PYROXD2: variants seen among roughly 807,000 people sequenced by gnomAD.
The protein encoded by PYROXD2 is pyridine nucleotide-disulphide oxidoreductase domain 2.
In PYROXD2, 69 loss-of-function variants were observed where a neutral mutation model predicts 71.1. That is an observed-to-expected ratio of 0.97 (90% CI 0.80 to 1.19). The LOEUF is 1.19. Among genes scored for constraint, PYROXD2 ranks in the 50% most tolerant of loss-of-function variants. The pLI is 0.00. For missense variants in PYROXD2, 745 were observed against 748.9 expected, an observed-to-expected ratio of 0.99 and a Z score of 0.06; for synonymous variants, 287 against 302.7, an observed-to-expected ratio of 0.95 and a Z score of 0.54.
intron 4 of PYROXD2, among the ~76,000 whole-genome samples, chr10:98,405,396 G>C (rs1257985102): frequency 6.6e-6 from 1 of 152,212 alleles, no homozygotes; most frequent in Non-Finnish European, 1.5e-5. Flanking sequence ...ATTGGATACA[G>C]CCTTATAAGT....
Position 98,390,736 on chromosome 10 carries a change from G to C in PYROXD2, c.1154C>G (p.Pro385Arg), listed in dbSNP as rs746121791. ...TKINVAVDRL[P>R]SFLAAPNAPR... ...AGCATTGGGGGCCGCCAGGAAGCTG[G>C]GCAGCCTGTCTACGGCCACTGAGGG... is the stretch of plus-strand genomic sequence containing the variant. Residue 385 changes from proline to arginine, a missense_variant, in exon 12 of 16, where the codon CCC (proline) becomes CGC (arginine). Transcript: ENST00000370575. 1 of 1,602,992 alleles carries C rather than the reference G, an allele frequency of 6.2e-7. No homozygotes were observed. Among genetic ancestry groups the C allele is most frequent in the East Asian group, 2.2e-5 (1 of 44,746 alleles).
intron 6 of PYROXD2, 134 bp downstream of exon 6, chr10:98,397,211 T>G: frequency 8.1e-7 from 1 of 1,233,674 alleles, no homozygotes; most frequent in Non-Finnish European, 1.1e-6. Flanking sequence ...CTGCCCCTAA[T>G]TGATCGCAGC....
At chr10:98,388,095 A>AGGT in intron 13 of PYROXD2, 2 of 465,476 alleles carry the variant, frequency 4.3e-6, no homozygotes, top group Non-Finnish European at 7.8e-6. Flanking sequence ...CTGTAATAAA[A>AGGT]GGTTTCTTAA....
At chr10:98,396,485 A>G (rs906447130) in intron 6 of PYROXD2, among the ~76,000 whole-genome samples, 7 of 152,084 alleles carry the variant, frequency 4.6e-5, no homozygotes, top group Admixed American at 3.9e-4. Flanking sequence ...TTTTTCTAGG[A>G]TATAGAGGTT....
intron 15 of PYROXD2, 72 bp downstream of exon 15, chr10:98,384,875 C>T (rs1474980500): frequency 1.3e-6 from 2 of 1,497,326 alleles, no homozygotes; most frequent in Non-Finnish European, 1.8e-6. Flanking sequence ...TTAACTTCCT[C>T]CTTCTCCAAG....
chr10:98,400,553 C>A (rs1403275897), intron 4 of PYROXD2, among the ~76,000 whole-genome samples: 2 of 151,960 alleles, frequency 1.3e-5, no homozygotes, highest in Admixed American at 6.6e-5. Context: ...TACCATACCA[C>A]ACTACATCAC....
chr10:98,392,389 T>A, intron 10 of PYROXD2, 43 bp downstream of exon 10: 1 of 1,600,294 alleles, frequency 6.2e-7, no homozygotes, highest in Non-Finnish European at 8.5e-7. Flanking sequence ...TAACCCCTGT[T>A]TTGGCAGACA....
At chr10:98,408,868 A>T (rs1843696742) in intron 2 of PYROXD2, among the ~76,000 whole-genome samples, 1 of 152,324 alleles carries the variant, frequency 6.6e-6, no homozygotes, top group African/African-American at 2.4e-5. Flanking sequence ...TTTTCCCACC[A>T]GCCAAGAGGT....
intron 4 of PYROXD2, among the ~76,000 whole-genome samples, chr10:98,402,347 C>T (rs1843442623): frequency 6.6e-6 from 1 of 152,110 alleles, no homozygotes; most frequent in Non-Finnish European, 1.5e-5. Context: ...TGTAACTGCC[C>T]CACTTCAGAA....
chr10:98,407,568 C>T lies in PYROXD2; in HGVS notation c.315+14G>A, dbSNP rs570819833. 2.2e-5 allele frequency: 36 copies of T among 1,612,700 alleles called. No individual in the cohort carries two copies. Among genetic ancestry groups the T allele is most frequent in the South Asian group, 5.5e-5 (5 of 90,936 alleles). ...TCCTCCCTCCGTGCAATCGGGCCGG[C>T]GGGGGGGCCCTACCTTCAGCTCCAG... On this transcript the variant is annotated intron_variant, in intron 4 of 15. Coordinates refer to ENST00000370575, the MANE Select transcript of PYROXD2 (RefSeq NM_032709.3).
rs1407515998 is a variant in PYROXD2 at position 98,405,530 on chromosome 10, G to T, written c.315+2052C>A. Among the ~76,000 whole-genome samples the T allele has an allele frequency of 2.0e-5, 3 of 152,224 alleles. No homozygotes were observed. In the East Asian group the frequency reaches 5.8e-4, roughly 29 times the overall value. ...CCCTCTGTGCACCAGGCACTGTGCT[G>T]ATGTGGCCTTAGGAGGCAGCTGCTG... On this transcript the variant is annotated intron_variant, in intron 4 of 15. Transcript: ENST00000370575.
chr10:98,386,213 C>T (rs36108107), intron 14 of PYROXD2, among the ~76,000 whole-genome samples: 2 of 148,722 alleles, frequency 1.3e-5, no homozygotes, highest in Admixed American at 6.7e-5. Flanking sequence ...CCCCAGAGGT[C>T]GAGGCTGCAG....
chr10:98,383,962 G>C (rs1442548693), intron 15 of PYROXD2, 94 bp from the exon 16 acceptor site: 1 of 1,118,174 alleles, frequency 8.9e-7, no homozygotes, highest in Non-Finnish European at 1.4e-6. Flanking sequence ...CAACAAAGCA[G>C]AGTGGGGCTG....
chr10:98,406,375 G>A (rs1015374698), intron 4 of PYROXD2, among the ~76,000 whole-genome samples: 3 of 152,218 alleles, frequency 2.0e-5, no homozygotes, highest in Admixed American at 1.3e-4. Flanking sequence ...CTATGAATAA[G>A]TGGTGCATTT....
At chr10:98,397,617 G>A in intron 5 of PYROXD2, 119 bp from the exon 6 acceptor site, 2 of 1,274,588 alleles carry the variant, frequency 1.6e-6, no homozygotes, top group Non-Finnish European at 1.0e-6. Context: ...TCCCCGCTGT[G>A]GCCCAGCTTG....
At position 98,396,735 on chromosome 10, in the gene PYROXD2, C is replaced by A. The variant is rs376440268; in HGVS notation, c.625+610G>T. Among the ~76,000 whole-genome samples, 24 of 152,312 alleles carry A rather than the reference C, an allele frequency of 1.6e-4. No homozygotes were observed. The East Asian group carries it at 4.1e-3, about 26-fold the overall frequency. ...GCTTTGATCAGCTTCACACAGGCAA[C>A]TCCACAGCAACTCACTTCAGTCCTG... On this transcript the variant is annotated intron_variant, in intron 6 of 15. Transcript: ENST00000370575.
At chr10:98,413,524 G>A (rs1410154769) in intron 1 of PYROXD2, among the ~76,000 whole-genome samples, 3 of 151,998 alleles carry the variant, frequency 2.0e-5, no homozygotes, top group South Asian at 2.1e-4. Flanking sequence ...GATCAGCCTC[G>A]CCAACATGGT....
At position 98,393,076 on chromosome 10, in the gene PYROXD2, G is replaced by GC. The variant is rs756060536; in HGVS notation, c.792dup (p.Leu265AlafsTer28). 1.0e-5 allele frequency: 16 copies of GC among 1,577,012 alleles called. No homozygotes were observed. In the Admixed American group the frequency reaches 3.3e-4, roughly 32 times the overall value. Reference sequence around the variant, plus strand: ...AGGCCCCCCATCACATGGTGCAGCAGCACATACCTGTGGACAGACCATCCG... The same window carrying GC: ...AGGCCCCCCATCACATGGTGCAGCAGCCACATACCTGTGGACAGACCATCCG... On this transcript the variant is annotated frameshift_variant, in exon 9 of 16. Transcript: ENST00000370575. LOFTEE classifies it high-confidence loss of function.
rs1842915580 is a variant in PYROXD2, at chr10:98,390,644, G to C, written c.1246C>G (p.Leu416Val). Reference protein sequence around the residue: ...IHLNCEDTLLLHQAFEDAMDG... With the variant: ...IHLNCEDTLLVHQAFEDAMDG... ...ATGGCATCTTCAAAGGCCTGATGAA[G>C]GAGGAGGGTGTCTTCACAGTTCAGG... Residue 416 changes from leucine (L) to valine (V), a missense_variant, in exon 12 of 16, where the codon CTT (leucine) becomes GTT (valine). By Grantham distance (32) the Leu-to-Val change is conservative. Coordinates refer to ENST00000370575, the MANE Select transcript of PYROXD2 (RefSeq NM_032709.3). 1.2e-5 allele frequency: 20 copies of C among 1,611,850 alleles called. No homozygotes were observed. Among genetic ancestry groups the C allele is most frequent in the Non-Finnish European group, 1.7e-5 (20 of 1,178,640 alleles).
Sources: gnomAD v4.1 joint callset for allele counts (sites outside exome capture counted in the v4.1 genomes callset) on GRCh38, gnomAD v4.1.1 for gene constraint, MANE v1.5 for transcripts, NCBI Gene and HGNC (gene_info 2026-07-23, HGNC 2026-07-21) for gene names.